The following NAIP variants were observed in gnomAD, a reference collection of about 807,000 sequenced individuals.
The protein encoded by NAIP is NLR family apoptosis inhibitory protein.
NAIP carries 15 observed loss-of-function variants against 23.0 expected under a neutral mutation model. That is an observed-to-expected ratio of 0.65 (90% CI 0.44 to 1.00). The LOEUF is 1.00. Ranked by LOEUF, NAIP falls within the 50% of genes least tolerant of loss-of-function variation. The pLI is 0.00. For missense variants in NAIP, 265 were observed against 278.8 expected, an observed-to-expected ratio of 0.95 and a Z score of 0.35; for synonymous variants, 100 against 100.2, an observed-to-expected ratio of 1.00 and a Z score of 0.01.
At chr5:71,017,846 CTTTT>C (rs1173570781) in intron 3 of NAIP, among the ~76,000 whole-genome samples, 1 of 91,590 alleles carries the variant, frequency 1.1e-5, no homozygotes, top group Non-Finnish European at 2.2e-5. Flanking sequence ...CAGCCCTTTC[CTTTT>C]TTTTTTTTTT....
chr5:71,025,291 G>T lies in NAIP; in HGVS notation c.-895C>A, dbSNP rs1182937297. Among the ~76,000 whole-genome samples the T allele has an allele frequency of 7.5e-5, 4 of 53,602 alleles. 2 individuals carry two copies. The East Asian group carries it at 5.7e-3, about 77-fold the overall frequency. 35.2% of individuals were successfully genotyped at this position (53,602 alleles called of 152,430 possible). A position where few individuals can be genotyped will look rare whatever the true frequency, so the allele number is the denominator to read the frequency against. ...GATAAGGAAACTCAAGCACATAGGG[G>T]TTAAGGTTAACCAGTGATCTGGCTA... On this transcript the variant is annotated 5_prime_UTR_variant, in exon 1 of 17. Transcript: ENST00000517649.
intron 3 of NAIP, among the ~76,000 whole-genome samples, chr5:71,014,341 G>A (rs1432623663): frequency 7.9e-5 from 12 of 151,052 alleles, no homozygotes; most frequent in Non-Finnish European, 1.0e-4. Context: ...CAAGTGATCC[G>A]CCTGCCTTGG....
intron 13 of NAIP, 89 bp from the exon 14 acceptor site, chr5:70,977,147 ATACT>A (rs1185298271): frequency 6.6e-5 from 7 of 106,562 alleles, no homozygotes; most frequent in South Asian, 2.9e-4. Context: ...TGTTTCAATA[ATACT>A]TAATTAAAAC....
chr5:71,015,964 A>C (rs572725356), intron 3 of NAIP, among the ~76,000 whole-genome samples: 1 of 129,488 alleles, frequency 7.7e-6, no homozygotes, highest in Non-Finnish European at 1.7e-5. Flanking sequence ...AATATAATTC[A>C]CACATCATAA....
chr5:71,012,578 G>A lies in NAIP; in HGVS notation c.338C>T (p.Pro113Leu). The A allele has an allele frequency of 6.2e-7, 1 of 1,611,818 alleles. No homozygotes were observed. The highest frequency in any genetic ancestry group is 8.5e-7 in the Non-Finnish European group (1 of 1,178,464). ...ATGAAACCTCTTGTGGTCTTCTATG[G>A]GGAGTCTCGTGAGGCCGGCACCAAA... ...ILFGAGLTRL[P>L]IEDHKRFHPD... Residue 113 changes from proline to leucine, a missense_variant, in exon 4 of 17, where the codon CCC (proline) becomes CTC (leucine). Physicochemically the swap from Pro to Leu is moderately conservative, Grantham distance 98. Around this residue, in one of 2 missense-constraint regions of NAIP, gnomAD observed 261 missense variants for 259.2 expected, o/e 1.01. Coordinates refer to ENST00000517649, the MANE Select transcript of NAIP (RefSeq NM_004536.3).
Position 70,970,032 on chromosome 5 carries a change from TCAA to T in NAIP, c.*69_*71del. 8.0e-6 allele frequency: 1 copy of T among 125,366 alleles called. No individual in the cohort carries two copies. The highest frequency in any genetic ancestry group is 3.7e-3 in the Middle Eastern group (1 of 272). 7.8% of individuals were successfully genotyped at this position (125,366 alleles called of 1,614,324 possible). A position where few individuals can be genotyped will look rare whatever the true frequency, so the allele number is the denominator to read the frequency against. On this transcript the variant is annotated 3_prime_UTR_variant, in exon 17 of 17. Coordinates refer to ENST00000517649, the MANE Select transcript of NAIP (RefSeq NM_004536.3). ...TGGATAATTTGGTTTTTAGCATTAA[TCAA>T]CAACTTTTTTTACATCCTCAATATG...
chr5:71,009,942 A>T (rs1751067739), intron 5 of NAIP, among the ~76,000 whole-genome samples: 2 of 151,588 alleles, frequency 1.3e-5, no homozygotes, highest in African/African-American at 4.8e-5. Flanking sequence ...CTAAGCCAGG[A>T]ACTAAAGACC....
chr5:71,012,701 G>C lies in NAIP; in HGVS notation c.215C>G (p.Pro72Arg). Residue 72 changes from proline to arginine, a missense_variant, in exon 4 of 17, where the codon CCG becomes CGG. By Grantham distance (103) the Pro-to-Arg change is moderately radical. This residue lies in a region of NAIP where 261 missense variants were observed against 259.2 expected (regional missense o/e 1.01). Coordinates refer to ENST00000517649, the MANE Select transcript of NAIP (RefSeq NM_004536.3). ...CTCCTGTGGTATCCATGAGCTGTAC[G>C]GCTCATAAGTCACAAAAGTCTTTAA... ...KRLKTFVTYE[P>R]YSSWIPQEMA... is the part of the protein sequence containing the mutation. 4 of 1,611,640 alleles carry C rather than the reference G, an allele frequency of 2.5e-6. No homozygotes were observed. Among genetic ancestry groups the C allele is most frequent in the Non-Finnish European group, 3.4e-6 (4 of 1,178,334 alleles).
intron 3 of NAIP, among the ~76,000 whole-genome samples, chr5:71,014,502 C>T (rs1486069350): frequency 6.6e-6 from 1 of 151,670 alleles, no homozygotes; most frequent in Non-Finnish European, 1.5e-5. Context: ...GCATTTTAGC[C>T]AGTTAATCAT....
intron 9 of NAIP, among the ~76,000 whole-genome samples, chr5:70,989,214 A>AAAACAAAC (rs1017612196): frequency 1.1e-5 from 1 of 89,244 alleles, no homozygotes. Flanking sequence ...CTCTGTCTCA[A>AAAACAAAC]AAACAAACAA....
intron 5 of NAIP, among the ~76,000 whole-genome samples, chr5:71,010,553 C>T (rs1751102043): frequency 6.6e-6 from 1 of 151,398 alleles, no homozygotes; most frequent in African/African-American, 2.4e-5. Flanking sequence ...AGGTGTGAGC[C>T]ACCGCGCCTG....
rs550163242 is a variant in NAIP, at chr5:71,013,822, A to G, written c.-3-904T>C. Among the ~76,000 whole-genome samples the G allele has an allele frequency of 1.2e-3, 188 of 151,292 alleles. 1 individual carries two copies. Among genetic ancestry groups the G allele is most frequent in the African/African-American group, 4.2e-3 (173 of 41,296 alleles). On this transcript the variant is annotated intron_variant, in intron 3 of 16. Coordinates refer to ENST00000517649, the MANE Select transcript of NAIP (RefSeq NM_004536.3). ...TGAGTCGGTTGCTGACATTGCTAAC[A>G]TCATTTGAACACTGAGGTGCTATGG...
rs528113989 is a variant in NAIP at position 71,012,362 on chromosome 5, C to T, written c.554G>A (p.Gly185Asp). 1.9e-6 allele frequency: 3 copies of T among 1,604,708 alleles called. No homozygotes were observed. The highest frequency in any genetic ancestry group is 1.3e-5 in the African/African-American group (1 of 74,600). Residue 185 changes from glycine (G) to aspartate (D), a missense_variant, in exon 4 of 17, where the codon GGC becomes GAC. Physicochemically the swap from Gly to Asp is moderately conservative, Grantham distance 94 (BLOSUM62 -1). This residue lies in a region of NAIP where 261 missense variants were observed against 259.2 expected (regional missense o/e 1.01). Transcript: ENST00000517649. ...GISPCVLSEA[G>D]FVFTGKQDTV... ...TTTCAAGGTACCTGTAAAGACAAAG[C>T]CAGCCTCTGAGAGCACACAAGGGGA...
chr5:71,010,608 G>C (rs1031336558), intron 5 of NAIP, among the ~76,000 whole-genome samples: 1 of 150,682 alleles, frequency 6.6e-6, no homozygotes, highest in African/African-American at 2.4e-5. Context: ...CTACATGCCA[G>C]GCTGGTCTCA....
intron 4 of NAIP, among the ~76,000 whole-genome samples, chr5:71,012,038 G>A (rs1255564937): frequency 6.6e-6 from 1 of 151,554 alleles, no homozygotes; most frequent in African/African-American, 2.4e-5. Context: ...CTGGGATCAG[G>A]ATGACCGCAT....
At chr5:70,978,006 AAG>A (rs1411562827) in intron 13 of NAIP, among the ~76,000 whole-genome samples, 2 of 123,320 alleles carry the variant, frequency 1.6e-5, no homozygotes, top group East Asian at 5.0e-4. Context: ...AAAAAAAAAA[AAG>A]AAACATAAAA....
intron 5 of NAIP, among the ~76,000 whole-genome samples, chr5:71,008,773 A>G (rs1210685723): frequency 9.9e-6 from 1 of 100,558 alleles, no homozygotes; most frequent in Non-Finnish European, 1.9e-5. Flanking sequence ...CGCTGCACTC[A>G]AGCCTGGGCA....
intron 3 of NAIP, among the ~76,000 whole-genome samples, chr5:71,016,004 G>A (rs1751426770): frequency 7.1e-6 from 1 of 140,146 alleles, no homozygotes; most frequent in South Asian, 2.4e-4. Context: ...AACAACTGAG[G>A]GTGCGGTGAC....
Position 71,012,793 on chromosome 5 carries a change from CTCT to C in NAIP, c.120_122del (p.Glu42del), listed in dbSNP as rs764097127. 32 of 1,611,896 alleles carry C rather than the reference CTCT, an allele frequency of 2.0e-5. 1 individual carries two copies. Among genetic ancestry groups the C allele is most frequent in the Middle Eastern group, 1.6e-4 (1 of 6,084 alleles). On this transcript the variant is annotated inframe_deletion, in exon 4 of 17. Coordinates refer to ENST00000517649, the MANE Select transcript of NAIP (RefSeq NM_004536.3). ...GCATTTTTGCTCGCTCCTTCTGCTC[CTCT>C]TCTTCTAGTTCCTTTGCCAACTGAA...
Sources: gnomAD v4.1 joint callset for allele counts (sites outside exome capture counted in the v4.1 genomes callset) on GRCh38, gnomAD v4.1.1 for gene constraint, gnomAD v4.1.1 regional missense constraint, MANE v1.5 for transcripts, NCBI Gene and HGNC (gene_info 2026-07-23, HGNC 2026-07-21) for gene names.